TSPAN5: variants seen among roughly 807,000 people sequenced by gnomAD.
TSPAN5 encodes the protein tetraspanin-5.
TSPAN5 carries 10 observed loss-of-function variants against 37.1 expected under a neutral mutation model. That is an observed-to-expected ratio of 0.27 (90% CI 0.17 to 0.46). The LOEUF (loss-of-function observed/expected upper bound fraction) is 0.46, where lower values mean the gene tolerates loss of function less well. Among genes scored for constraint, TSPAN5 ranks in the 20% least tolerant of loss-of-function variants. The pLI is 1.00. For missense variants in TSPAN5, 195 were observed against 326.6 expected (o/e 0.60, Z 3.11); for synonymous variants, 110 against 118.9 (o/e 0.93, Z 0.48).
intron 1 of TSPAN5, among the ~76,000 whole-genome samples, chr4:98,652,135 C>T (rs1255102048): frequency 1.3e-5 from 2 of 152,096 alleles, no homozygotes; most frequent in East Asian, 1.9e-4. Flanking sequence ...GTTGGGATTA[C>T]AGGTGTAAGC....
chr4:98,478,910 C>A, intron 4 of TSPAN5, 100 bp from the exon 5 acceptor site: 1 of 1,437,630 alleles, frequency 7.0e-7, no homozygotes, highest in Non-Finnish European at 9.6e-7. Flanking sequence ...CAGCTCTGAC[C>A]TTCTTTTCTG....
At chr4:98,610,962 A>G (rs1027505891) in intron 1 of TSPAN5, among the ~76,000 whole-genome samples, 2 of 152,126 alleles carry the variant, frequency 1.3e-5, no homozygotes, top group African/African-American at 4.8e-5. Context: ...TGTTCCTGTG[A>G]CTATACCGTG....
intron 1 of TSPAN5, among the ~76,000 whole-genome samples, chr4:98,532,282 G>C (rs1216966710): frequency 6.6e-6 from 1 of 152,216 alleles, no homozygotes; most frequent in African/African-American, 2.4e-5. Flanking sequence ...ACCTTGGGCA[G>C]TATGGCCATT....
intron 1 of TSPAN5, among the ~76,000 whole-genome samples, chr4:98,620,014 A>T (rs1362513573): frequency 2.6e-5 from 4 of 152,192 alleles, no homozygotes; most frequent in Admixed American, 2.6e-4. Context: ...AGACACAAAC[A>T]TTTAGACGTA....
chr4:98,489,638 C>T lies in TSPAN5; in HGVS notation c.133-2754G>A, dbSNP rs546430777. 4.6e-3 allele frequency among the ~76,000 whole-genome samples: 697 copies of T among 152,316 alleles called. 7 individuals carry two copies. The highest frequency in any genetic ancestry group is 0.016 in the African/African-American group (669 of 41,564). ...ACCACTGACTTCCACCCCTCCGGATCCGGCAGGGTATCCGCTGTGCTCCTG... is the reference window on the plus strand; with the variant it reads ...ACCACTGACTTCCACCCCTCCGGATTCGGCAGGGTATCCGCTGTGCTCCTG... On this transcript the variant is annotated intron_variant, in intron 2 of 7. Coordinates refer to ENST00000305798, the MANE Select transcript of TSPAN5 (RefSeq NM_005723.4).
intron 4 of TSPAN5, 141 bp downstream of exon 4, chr4:98,481,864 A>C (rs1752844808): frequency 1.3e-6 from 1 of 794,346 alleles, no homozygotes; most frequent in Non-Finnish European, 2.0e-6. Context: ...AAGTCGGAAA[A>C]TAATAAACAA....
chr4:98,535,942 T>C (rs2110135191), intron 1 of TSPAN5, among the ~76,000 whole-genome samples: 1 of 152,326 alleles, frequency 6.6e-6, no homozygotes, highest in Admixed American at 6.5e-5. Context: ...CTAACCTTTT[T>C]TCAAGGTTCT....
chr4:98,618,269 A>C lies in TSPAN5; in HGVS notation c.81+39877T>G, dbSNP rs553069141. Reference sequence around the variant, plus strand: ...CTTTAATAAATGCTTTTCAAAAAAAAAAAGTCACCAGTATAAAACAAAGAC... The same window carrying C: ...CTTTAATAAATGCTTTTCAAAAAAACAAAGTCACCAGTATAAAACAAAGAC... On this transcript the variant is annotated intron_variant, in intron 1 of 7. Coordinates refer to ENST00000305798, the MANE Select transcript of TSPAN5 (RefSeq NM_005723.4). 2.4e-3 allele frequency among the ~76,000 whole-genome samples: 361 copies of C among 152,352 alleles called. 1 individual carries two copies. The Middle Eastern group carries it at 0.034, about 14-fold the overall frequency.
At chr4:98,647,234 T>C (rs367732312) in intron 1 of TSPAN5, among the ~76,000 whole-genome samples, 29 of 152,320 alleles carry the variant, frequency 1.9e-4, no homozygotes, top group East Asian at 1.2e-3. Context: ...CTAGGCCACA[T>C]TGATACAACT....
At chr4:98,609,366 G>T (rs550004714) in intron 1 of TSPAN5, among the ~76,000 whole-genome samples, 4 of 152,306 alleles carry the variant, frequency 2.6e-5, no homozygotes, top group African/African-American at 9.6e-5. Flanking sequence ...CACTGGCTGG[G>T]GGAGAGGGCC....
intron 1 of TSPAN5, among the ~76,000 whole-genome samples, chr4:98,512,067 G>C (rs1259049894): frequency 1.3e-5 from 2 of 152,118 alleles, no homozygotes; most frequent in Non-Finnish European, 2.9e-5. Flanking sequence ...ACAAAAATTA[G>C]CTGGACGTGG....
chr4:98,654,898 G>A (rs1418598391), intron 1 of TSPAN5, among the ~76,000 whole-genome samples: 6 of 152,170 alleles, frequency 3.9e-5, no homozygotes, highest in Non-Finnish European at 8.8e-5. Flanking sequence ...CCAGGCTGGA[G>A]TACAGTGGTG....
rs182355428 is a variant in TSPAN5, at chr4:98,553,456, T to C, written c.82-45728A>G. Among the ~76,000 whole-genome samples the C allele has an allele frequency of 4.5e-3, 682 of 152,298 alleles. 4 individuals are homozygous for C. Among genetic ancestry groups the C allele is most frequent in the African/African-American group, 0.016 (650 of 41,576 alleles). On this transcript the variant is annotated intron_variant, in intron 1 of 7. Coordinates refer to ENST00000305798, the MANE Select transcript of TSPAN5 (RefSeq NM_005723.4). ...TCCTAAATTGTCTGTCTAGAACATGTTATCTTGATAATGGGGAAAAATGAG... is the reference window on the plus strand; with the variant it reads ...TCCTAAATTGTCTGTCTAGAACATGCTATCTTGATAATGGGGAAAAATGAG...
chr4:98,621,702 C>G (rs1290995405), intron 1 of TSPAN5, among the ~76,000 whole-genome samples: 1 of 152,050 alleles, frequency 6.6e-6, no homozygotes, highest in African/African-American at 2.4e-5. Context: ...AGTTCAGTGG[C>G]TTTTAGTAAA....
At chr4:98,652,026 T>G (rs917641534) in intron 1 of TSPAN5, among the ~76,000 whole-genome samples, 1 of 150,550 alleles carries the variant, frequency 6.6e-6, no homozygotes, top group Non-Finnish European at 1.5e-5. Flanking sequence ...AATTTTTAAT[T>G]TTTAATTTTT....
intron 1 of TSPAN5, among the ~76,000 whole-genome samples, chr4:98,532,919 A>C (rs1754130325): frequency 6.6e-6 from 1 of 152,184 alleles, no homozygotes; most frequent in Non-Finnish European, 1.5e-5. Flanking sequence ...ATTTTGTCAA[A>C]GGCCTTTTCT....
intron 3 of TSPAN5, 190 bp downstream of exon 3, chr4:98,486,548 G>T: frequency 1.7e-6 from 1 of 601,148 alleles, no homozygotes; most frequent in Non-Finnish European, 2.9e-6. Context: ...TGGGGGTGGT[G>T]TTGTACTTAT....
chr4:98,591,904 C>T (rs1755642924), intron 1 of TSPAN5, among the ~76,000 whole-genome samples: 1 of 151,456 alleles, frequency 6.6e-6, no homozygotes, highest in African/African-American at 2.4e-5. Context: ...CCAAAAATAG[C>T]CAAAAGAATT....
chr4:98,625,815 T>C (rs1383965316), intron 1 of TSPAN5, among the ~76,000 whole-genome samples: 1 of 151,240 alleles, frequency 6.6e-6, no homozygotes, highest in Non-Finnish European at 1.5e-5. Context: ...AGTATGTTTA[T>C]TTCATCAAAT....
Sources: gnomAD v4.1 joint callset for allele counts (sites outside exome capture counted in the v4.1 genomes callset) on GRCh38, gnomAD v4.1.1 for gene constraint, MANE v1.5 for transcripts, NCBI Gene and HGNC (gene_info 2026-07-23, HGNC 2026-07-21) for gene names.